The following NEO1 variants were observed in gnomAD, a reference collection of about 807,000 sequenced individuals.
NEO1 encodes the protein neogenin 1.
Under a neutral mutation model 159.7 loss-of-function variants are expected in NEO1, and 63 were observed. That is an observed-to-expected ratio of 0.39 (90% CI 0.32 to 0.49). The LOEUF is 0.49. Ranked by LOEUF, NEO1 falls within the 20% of genes least tolerant of loss-of-function variation. The pLI is 0.85. For missense variants in NEO1, 1,615 were observed against 1,831.0 expected (o/e 0.88, Z 2.15); for synonymous variants, 633 against 662.0 (o/e 0.96, Z 0.67).
chr15:73,161,812 C>T (rs2034199034), intron 5 of NEO1: 1 of 294,824 alleles, frequency 3.4e-6, no homozygotes, highest in Admixed American at 4.0e-5. Flanking sequence ...CTTGAATTAC[C>T]TCCTGGTCAG....
chr15:73,253,526 T>C, intron 12 of NEO1, 77 bp downstream of exon 12: 1 of 979,550 alleles, frequency 1.0e-6, no homozygotes, highest in Non-Finnish European at 1.5e-6. Flanking sequence ...AAAGGGAGAT[T>C]CTGTAGGAAA....
chr15:73,161,363 CT>C lies in NEO1; in HGVS notation c.1016-15039del, dbSNP rs1243269008. ...TTTTATTGAGTTATGTATCTTTTCCCTGATGTAATGTGTCACTTCAATCGTA... is the reference window on the plus strand; with the variant it reads ...TTTTATTGAGTTATGTATCTTTTCCCGATGTAATGTGTCACTTCAATCGTA... On this transcript the variant is annotated intron_variant, in intron 5 of 28. Coordinates refer to ENST00000261908, the MANE Select transcript of NEO1 (RefSeq NM_002499.4). Among the ~76,000 whole-genome samples the C allele has an allele frequency of 2.0e-5, 3 of 152,232 alleles. No individual in the cohort carries two copies. In the East Asian group the frequency reaches 5.8e-4, roughly 29 times the overall value.
intron 8 of NEO1, among the ~76,000 whole-genome samples, chr15:73,238,584 A>G (rs915696715): frequency 2.0e-5 from 3 of 151,842 alleles, no homozygotes; most frequent in African/African-American, 7.2e-5. Flanking sequence ...ATCTATAAAT[A>G]TATTAGAAGA....
chr15:73,189,175 AG>A (rs747611856), intron 7 of NEO1, among the ~76,000 whole-genome samples: 38 of 152,180 alleles, frequency 2.5e-4, no homozygotes, highest in Non-Finnish European at 5.0e-4. Context: ...TTGATTGTGA[AG>A]TGGAATATTT....
At chr15:73,264,053 G>A (rs1399333123) in intron 15 of NEO1, among the ~76,000 whole-genome samples, 1 of 152,090 alleles carries the variant, frequency 6.6e-6, no homozygotes, top group Non-Finnish European at 1.5e-5. Context: ...TAGGCATGGT[G>A]GTGTGTGCTT....
chr15:73,070,355 G>C (rs1388810803), intron 1 of NEO1, among the ~76,000 whole-genome samples: 1 of 152,198 alleles, frequency 6.6e-6, no homozygotes, highest in Non-Finnish European at 1.5e-5. Flanking sequence ...TATACTTTGA[G>C]AGATATCATG....
At chr15:73,216,725 T>A (rs910169552) in intron 7 of NEO1, among the ~76,000 whole-genome samples, 5 of 152,218 alleles carry the variant, frequency 3.3e-5, no homozygotes, top group African/African-American at 1.2e-4. Context: ...GCTGCATAAA[T>A]GTCTTCTTTT....
At chr15:73,078,036 G>A (rs2068862367) in intron 1 of NEO1, among the ~76,000 whole-genome samples, 1 of 152,120 alleles carries the variant, frequency 6.6e-6, no homozygotes, top group Non-Finnish European at 1.5e-5. Flanking sequence ...TGGTGATATG[G>A]GCAACAGAAA....
chr15:73,293,352 G>A, intron 25 of NEO1, 38 bp from the exon 26 acceptor site: 1 of 1,609,716 alleles, frequency 6.2e-7, no homozygotes, highest in Middle Eastern at 1.7e-4. Context: ...GTTTGTGCAA[G>A]CATGTTAAGC....
intron 26 of NEO1, among the ~76,000 whole-genome samples, chr15:73,296,582 A>G (rs2042379455): frequency 6.6e-6 from 1 of 152,222 alleles, no homozygotes; most frequent in African/African-American, 2.4e-5. Flanking sequence ...TACTTCAGCA[A>G]CAAAGGCAGG....
chr15:73,180,127 A>G (rs927896097), intron 7 of NEO1, among the ~76,000 whole-genome samples: 6 of 152,176 alleles, frequency 3.9e-5, no homozygotes, highest in African/African-American at 1.2e-4. Flanking sequence ...CATGAAAAAG[A>G]TGCCACTTTA....
chr15:73,076,606 G>A (rs1359988360), intron 1 of NEO1, among the ~76,000 whole-genome samples: 1 of 152,180 alleles, frequency 6.6e-6, no homozygotes, highest in Non-Finnish European at 1.5e-5. Flanking sequence ...ATCTTGTACA[G>A]TGCAAAGCTT....
chr15:73,094,809 G>T (rs1766775307), intron 1 of NEO1, among the ~76,000 whole-genome samples: 1 of 152,096 alleles, frequency 6.6e-6, no homozygotes, highest in Admixed American at 6.5e-5. Context: ...TCATTTCAGG[G>T]TTTTGTTGGA....
At chr15:73,299,990 A>T (rs953858735) in intron 27 of NEO1, 3 of 152,262 alleles carry the variant, frequency 2.0e-5, no homozygotes, top group Non-Finnish European at 2.9e-5. Context: ...GTGAAATCTG[A>T]AACCTTATCT....
At chr15:73,065,631 T>A (rs1299159353) in intron 1 of NEO1, among the ~76,000 whole-genome samples, 1 of 152,234 alleles carries the variant, frequency 6.6e-6, no homozygotes, top group East Asian at 1.9e-4. Context: ...TTTTAAGATT[T>A]GTTCTTTAGT....
At chr15:73,111,292 A>G (rs953078504) in intron 1 of NEO1, among the ~76,000 whole-genome samples, 2 of 152,194 alleles carry the variant, frequency 1.3e-5, no homozygotes, top group Non-Finnish European at 2.9e-5. Flanking sequence ...TTTATTATTT[A>G]TGTATCTTGA....
intron 1 of NEO1, among the ~76,000 whole-genome samples, chr15:73,076,925 G>C (rs2068796054): frequency 6.6e-6 from 1 of 152,164 alleles, no homozygotes; most frequent in African/African-American, 2.4e-5. Flanking sequence ...TAGGAGGTAA[G>C]GCACTTTCTG....
chr15:73,233,250 G>A (rs766306846), intron 7 of NEO1, among the ~76,000 whole-genome samples: 1 of 152,152 alleles, frequency 6.6e-6, no homozygotes, highest in Non-Finnish European at 1.5e-5. Flanking sequence ...GCCACAGTGG[G>A]CATGGATTTT....
At chr15:73,110,611 G>C (rs1386807455) in intron 1 of NEO1, among the ~76,000 whole-genome samples, 2 of 152,178 alleles carry the variant, frequency 1.3e-5, no homozygotes, top group African/African-American at 2.4e-5. Context: ...CTATCAAGAA[G>C]TGTGAAGTAT....
Sources: gnomAD v4.1 joint callset for allele counts (sites outside exome capture counted in the v4.1 genomes callset) on GRCh38, gnomAD v4.1.1 for gene constraint, MANE v1.5 for transcripts, NCBI Gene and HGNC (gene_info 2026-07-23, HGNC 2026-07-21) for gene names.